The following ZNRD2 variants were observed in gnomAD, a reference collection of about 807,000 sequenced individuals.
ZNRD2 encodes zinc ribbon domain containing 2.
In ZNRD2, 16 loss-of-function variants were observed where a neutral mutation model predicts 22.0. That is an observed-to-expected ratio of 0.73 (90% confidence interval 0.49 to 1.11). ZNRD2 has a LOEUF of 1.11. Ranked by LOEUF, ZNRD2 falls within the 50% of genes least tolerant of loss-of-function variation. The pLI is 0.00. For missense variants in ZNRD2, 269 were observed against 258.9 expected, an observed-to-expected ratio of 1.04 and a Z score of -0.27; for synonymous variants, 105 against 109.8, an observed-to-expected ratio of 0.96 and a Z score of 0.27.
Position 65,570,932 on chromosome 11 carries a change from G to T in ZNRD2, c.218G>T (p.Cys73Phe), listed in dbSNP as rs772830980. The T allele has an allele frequency of 6.2e-7, 1 of 1,614,042 alleles. No individual in the cohort carries two copies. Among genetic ancestry groups the T allele is most frequent in the African/African-American group, 1.3e-5 (1 of 74,910 alleles). The change falls in exon 3 of 4, where the codon TGT (cysteine) becomes TTT (phenylalanine). Residue 73 changes from cysteine to phenylalanine, a missense_variant. Transcript: ENST00000309328. ...CAGCGGAAAATCTACTGCGTGGCTTGTCAGGAACTCGACTCAGACGTGGAT... is the reference window on the plus strand; with the variant it reads ...CAGCGGAAAATCTACTGCGTGGCTTTTCAGGAACTCGACTCAGACGTGGAT... ...DKQRKIYCVACQELDSDVDKD... is the reference protein window; with the variant it reads ...DKQRKIYCVAFQELDSDVDKD...
At position 65,570,928 on chromosome 11, in the gene ZNRD2, G is replaced by T. The variant is rs778864016; in HGVS notation, c.214G>T (p.Ala72Ser). The T allele has an allele frequency of 1.9e-6, 3 of 1,614,168 alleles. No homozygotes were observed. The highest frequency in any genetic ancestry group is 4.5e-5 in the East Asian group (2 of 44,884). ...CAAACAGCGGAAAATCTACTGCGTG[G>T]CTTGTCAGGAACTCGACTCAGACGT... Reference protein sequence around the residue: ...QDKQRKIYCVACQELDSDVDK... With the variant: ...QDKQRKIYCVSCQELDSDVDK... The change falls in exon 3 of 4, where the codon GCT becomes TCT. Residue 72 changes from alanine to serine, a missense_variant. By Grantham distance (99) the Ala-to-Ser change is moderately conservative (BLOSUM62 1). Coordinates refer to ENST00000309328, the MANE Select transcript of ZNRD2 (RefSeq NM_006396.3).
At position 65,570,525 on chromosome 11, in the gene ZNRD2, G is replaced by A; in HGVS notation, c.19+15G>A. On this transcript the variant is annotated intron_variant, in intron 1 of 3. Coordinates refer to ENST00000309328, the MANE Select transcript of ZNRD2 (RefSeq NM_006396.3). ...GAACGGAGCTGGTGAGGACCTGGGC[G>A]GCAGGGGTTTGTGGCTGTGAGGTAC... is the stretch of plus-strand genomic sequence containing the variant. The A allele has an allele frequency of 6.2e-7, 1 of 1,613,886 alleles. No individual in the cohort carries two copies. Among genetic ancestry groups the A allele is most frequent in the Non-Finnish European group, 8.5e-7 (1 of 1,179,922 alleles).
In ZNRD2 at chr11:65,570,865, C is replaced by T. The variant is rs377524508; in HGVS notation, c.172-21C>T. The T allele has an allele frequency of 4.8e-5, 78 of 1,613,996 alleles. No homozygotes were observed. In the African/African-American group the frequency reaches 8.4e-4, roughly 17 times the overall value. On this transcript the variant is annotated intron_variant, in intron 2 of 3. Coordinates refer to ENST00000309328, the MANE Select transcript of ZNRD2 (RefSeq NM_006396.3). ...CATTGCCGGCGTCTCATTCCGGCCCCGTGTGCTTTTTGGTCCGTAGACGAT... is the reference window on the plus strand; with the variant it reads ...CATTGCCGGCGTCTCATTCCGGCCCTGTGTGCTTTTTGGTCCGTAGACGAT...
Position 65,571,829 on chromosome 11 carries a change from C to T in ZNRD2, c.*95C>T, listed in dbSNP as rs116284034. On this transcript the variant is annotated 3_prime_UTR_variant, in exon 4 of 4. Transcript: ENST00000309328. ...CCAAGTGTGCATGCCAGCCCCAGCT[C>T]CACTCACCTTTTTCCAGCTTTTGGC... The T allele has an allele frequency of 1.5e-5, 21 of 1,446,004 alleles. No homozygotes were observed. The African/African-American group carries it at 2.9e-4, about 20-fold the overall frequency. The allele number at this position is 1,446,004 out of a possible 1,614,324, so 89.6% of individuals were successfully genotyped here. A position where few individuals can be genotyped will look rare whatever the true frequency, so the allele number is the denominator to read the frequency against.
At position 65,571,472 on chromosome 11, in the gene ZNRD2, C is replaced by G. The variant is rs1485458544; in HGVS notation, c.338C>G (p.Pro113Arg). 24 of 1,613,632 alleles carry G rather than the reference C, an allele frequency of 1.5e-5. No homozygotes were observed. The highest frequency in any genetic ancestry group is 2.0e-5 in the Non-Finnish European group (24 of 1,180,020). Reference protein sequence around the residue: ...SASELPLGSRPAPQPPVPRPE... With the variant: ...SASELPLGSRRAPQPPVPRPE... Reference sequence around the variant, plus strand: ...TCAGAGCTCCCCCTGGGCTCTCGACCTGCGCCCCAGCCCCCAGTACCTCGT... The same window carrying G: ...TCAGAGCTCCCCCTGGGCTCTCGACGTGCGCCCCAGCCCCCAGTACCTCGT... Residue 113 changes from proline (P) to arginine (R), a missense_variant, in exon 4 of 4, where the codon CCT becomes CGT. Transcript: ENST00000309328.
chr11:65,571,477 C>T lies in ZNRD2; in HGVS notation c.343C>T (p.Pro115Ser). The change falls in exon 4 of 4, where the codon CCC (proline) becomes TCC (serine). Residue 115 changes from proline (P) to serine (S), a missense_variant. Transcript: ENST00000309328. The stretch of plus-strand genomic sequence containing the variant: ...GCTCCCCCTGGGCTCTCGACCTGCG[C>T]CCCAGCCCCCAGTACCTCGTCCGGA... ...SELPLGSRPA[P>S]QPPVPRPEHC... 1 of 1,613,738 alleles carries T rather than the reference C, an allele frequency of 6.2e-7. No homozygotes were observed. The highest frequency in any genetic ancestry group is 8.5e-7 in the Non-Finnish European group (1 of 1,180,018).
chr11:65,571,413 C>T lies in ZNRD2; in HGVS notation c.279C>T (p.Leu93=). The T allele has an allele frequency of 6.2e-7, 1 of 1,604,336 alleles. No individual in the cohort carries two copies. Among genetic ancestry groups the T allele is most frequent in the African/African-American group, 1.3e-5 (1 of 74,828 alleles). The change falls in exon 4 of 4, where the codon CTC becomes CTT. Residue 93 remains leucine, a synonymous_variant. Transcript: ENST00000309328. ...DNPALNAQAA[L]SQAREHQLAS... ...TAGCTCTGAATGCCCAGGCTGCCCT[C>T]TCCCAAGCTCGGGAGCACCAGCTGG...
chr11:65,570,558 A>C, intron 1 of ZNRD2, 46 bp from the exon 2 acceptor site: 4 of 1,613,904 alleles, frequency 2.5e-6, no homozygotes, highest in Non-Finnish European at 3.4e-6. Flanking sequence ...TACGGGAGGC[A>C]GCCCACTCCG....
intron 1 of ZNRD2, 38 bp from the exon 2 acceptor site, chr11:65,570,566 C>A (rs774395806): frequency 2.4e-5 from 39 of 1,613,794 alleles, no homozygotes; most frequent in Non-Finnish European, 1.7e-6. Context: ...GCAGCCCACT[C>A]CGGCAAGACC....
rs1857115176 is a variant in ZNRD2, at chr11:65,571,033, T to C, written c.256+63T>C. 6 of 1,506,176 alleles carry C rather than the reference T, an allele frequency of 4.0e-6. No individual in the cohort carries two copies. The South Asian group carries it at 5.8e-5, about 14-fold the overall frequency. The allele number at this position is 1,506,176 out of a possible 1,614,324, so 93.3% of individuals were successfully genotyped here. A position where few individuals can be genotyped will look rare whatever the true frequency, so the allele number is the denominator to read the frequency against. On this transcript the variant is annotated intron_variant, in intron 3 of 3. Transcript: ENST00000309328. Reference sequence around the variant, plus strand: ...TGCTTAGGGGGGAAGCGTGGTTAAGTGGTGATAGAGGCCCGAGAACAGTAG... The same window carrying C: ...TGCTTAGGGGGGAAGCGTGGTTAAGCGGTGATAGAGGCCCGAGAACAGTAG...
At chr11:65,571,307 AAG>A in intron 3 of ZNRD2, 82 bp from the exon 4 acceptor site, 1 of 1,486,612 alleles carries the variant, frequency 6.7e-7, no homozygotes, top group Non-Finnish European at 9.0e-7. Flanking sequence ...CAAGCACAGA[AAG>A]AGCAGAGCAG....
rs1264817957 is a variant in ZNRD2 at position 65,571,654 on chromosome 11, C to T, written c.520C>T (p.Leu174=). 1 of 1,614,086 alleles carries T rather than the reference C, an allele frequency of 6.2e-7. No homozygotes were observed. Among genetic ancestry groups the T allele is most frequent in the Admixed American group, 1.7e-5 (1 of 60,028 alleles). Residue 174 remains leucine (L), a synonymous_variant, in exon 4 of 4, where the codon CTG becomes TTG. Transcript: ENST00000309328. The stretch of plus-strand genomic sequence containing the variant: ...TGCTGAACTGGGCTCTAGCACCTCC[C>T]TGGAGACTAGCATCCAGCTGTGTGG... ...ASAELGSSTS[L]ETSIQLCGLI... is the part of the protein sequence containing the mutation.
In ZNRD2 at chr11:65,570,966, T is replaced by TAACCCTAA; in HGVS notation, c.252_253insAACCCTAA (p.Pro85AsnfsTer6). The TAACCCTAA allele has an allele frequency of 6.2e-7, 1 of 1,613,794 alleles. No homozygotes were observed. Among genetic ancestry groups the TAACCCTAA allele is most frequent in the Non-Finnish European group, 8.5e-7 (1 of 1,179,862 alleles). ...TCGACTCAGACGTGGATAAAGATAA[T>TAACCCTAA]CCCGGTAAGAGTAAAAAATAATCCG... On this transcript the variant is annotated frameshift_variant, in exon 3 of 4. Coordinates refer to ENST00000309328, the MANE Select transcript of ZNRD2 (RefSeq NM_006396.3). LOFTEE classifies it high-confidence loss of function.
chr11:65,570,714 C>T lies in ZNRD2; in HGVS notation c.130C>T (p.Arg44Cys). ...ISRLMGDYLL[R>C]GYRMLGETCA... ...CCGGCTCATGGGCGACTATCTGCTG[C>T]GCGGTTACCGCATGCTGGGCGAGAC... Residue 44 changes from arginine to cysteine, a missense_variant, in exon 2 of 4, where the codon CGC becomes TGC. Arg to Cys is a radical substitution (Grantham distance 180). Coordinates refer to ENST00000309328, the MANE Select transcript of ZNRD2 (RefSeq NM_006396.3). The T allele has an allele frequency of 6.2e-7, 1 of 1,613,848 alleles. No individual in the cohort carries two copies. The highest frequency in any genetic ancestry group is 8.5e-7 in the Non-Finnish European group (1 of 1,179,946).
At position 65,571,708 on chromosome 11, in the gene ZNRD2, C is replaced by T. The variant is rs776925902; in HGVS notation, c.574C>T (p.Arg192Cys). 1.9e-6 allele frequency: 3 copies of T among 1,611,718 alleles called. No individual in the cohort carries two copies. Among genetic ancestry groups the T allele is most frequent in the South Asian group, 1.1e-5 (1 of 90,958 alleles). The change falls in exon 4 of 4, where the codon CGC becomes TGC. Residue 192 changes from arginine (R) to cysteine (C), a missense_variant. Coordinates refer to ENST00000309328, the MANE Select transcript of ZNRD2 (RefSeq NM_006396.3). ...GLIRACAEAL[R>C]SLQQLQH ...TATCCGCGCATGTGCGGAGGCCCTG[C>T]GCAGCCTGCAGCAGCTACAGCACTA...
At chr11:65,570,835 G>T (rs1409895471) in intron 2 of ZNRD2, 51 bp from the exon 3 acceptor site, 1 of 1,613,600 alleles carries the variant, frequency 6.2e-7, no homozygotes, top group East Asian at 2.2e-5. Context: ...CTCCCCTCTG[G>T]ACCCCATTGC....
In ZNRD2 at chr11:65,571,454, T is replaced by TC; in HGVS notation, c.325dup (p.Leu109ProfsTer18). On this transcript the variant is annotated frameshift_variant, in exon 4 of 4. Coordinates refer to ENST00000309328, the MANE Select transcript of ZNRD2 (RefSeq NM_006396.3). LOFTEE classifies it high-confidence loss of function. ...CACCAGCTGGCCTCAGCCTCAGAGC[T>TC]CCCCCTGGGCTCTCGACCTGCGCCC... is the stretch of plus-strand genomic sequence containing the variant. 6.2e-7 allele frequency: 1 copy of TC among 1,612,508 alleles called. No individual in the cohort carries two copies.
rs1344116761 is a variant in ZNRD2 at position 65,570,634 on chromosome 11, C to T, written c.50C>T (p.Thr17Ile). The T allele has an allele frequency of 3.1e-6, 5 of 1,613,950 alleles. No individual in the cohort carries two copies. Among genetic ancestry groups the T allele is most frequent in the Non-Finnish European group, 4.2e-6 (5 of 1,179,984 alleles). Reference protein sequence around the residue: ...EVDDFSWEPPTEAETKVLQAR... With the variant: ...EVDDFSWEPPIEAETKVLQAR... ...GACGACTTCTCCTGGGAGCCCCCGA[C>T]TGAGGCGGAGACGAAGGTGCTGCAG... Residue 17 changes from threonine to isoleucine, a missense_variant, in exon 2 of 4, where the codon ACT becomes ATT. Transcript: ENST00000309328.
intron 3 of ZNRD2, 117 bp downstream of exon 3, chr11:65,571,087 G>A: frequency 2.0e-6 from 2 of 1,011,580 alleles, no homozygotes; most frequent in Non-Finnish European, 2.9e-6. Flanking sequence ...GAGTCTCTGG[G>A]TGGGGTAGAA....
Sources: gnomAD v4.1 joint callset for allele counts on GRCh38, gnomAD v4.1.1 for gene constraint, MANE v1.5 for transcripts, NCBI Gene and HGNC (gene_info 2026-07-23, HGNC 2026-07-21) for gene names.